Variants in EXD1 observed in about 807,000 individuals in gnomAD.
EXD1 encodes the protein piRNA biogenesis protein EXD1.
EXD1 carries 63 observed loss-of-function variants against 49.1 expected under a neutral mutation model. That is an observed-to-expected ratio of 1.28 (90% CI 1.05 to 1.58). The LOEUF (loss-of-function observed/expected upper bound fraction) is 1.58. EXD1 is among the 40% of genes most tolerant of loss of function. EXD1 has a pLI of 0.00. For synonymous variants in EXD1, 234 were observed against 239.2 expected, an observed-to-expected ratio of 0.98 and a Z score of 0.20; for missense variants, 748 against 666.0, an observed-to-expected ratio of 1.12 and a Z score of -1.36.
intron 7 of EXD1, among the ~76,000 whole-genome samples, chr15:41,200,164 C>A (rs1368504832): frequency 3.3e-5 from 5 of 151,958 alleles, no homozygotes; most frequent in Admixed American, 3.3e-4. Context: ...CCTGCCTCGG[C>A]CTCCCTAAGC....
intron 2 of EXD1, among the ~76,000 whole-genome samples, chr15:41,220,187 T>G (rs77207177): frequency 0.16 from 24,657 of 151,942 alleles, 3,702 homozygotes; most frequent in African/African-American, 0.4. Flanking sequence ...TCTAAGGCCT[T>G]TGGGGTTAAG....
intron 6 of EXD1, among the ~76,000 whole-genome samples, chr15:41,212,982 AG>A (rs1049704544): frequency 1.3e-5 from 2 of 152,064 alleles, no homozygotes; most frequent in Admixed American, 1.3e-4. Flanking sequence ...TCCAGGCTGC[AG>A]TGAACTCTGA....
chr15:41,198,709 T>TTTTTTATTTTTTAATTAAAAAAAAA (rs2046656823), intron 7 of EXD1, among the ~76,000 whole-genome samples: 1 of 130,004 alleles, frequency 7.7e-6, no homozygotes, highest in African/African-American at 3.1e-5. Flanking sequence ...TTAAAAAAAA[T>TTTTTTATTTTTTAATTAAAAAAAAA]TTTTTTTTTT....
At chr15:41,199,985 C>A (rs1342765927) in intron 7 of EXD1, among the ~76,000 whole-genome samples, 1 of 150,650 alleles carries the variant, frequency 6.6e-6, no homozygotes, top group Non-Finnish European at 1.5e-5. Flanking sequence ...CTCACTGCAA[C>A]CTCTGCCTTC....
Position 41,215,836 on chromosome 15 carries a change from A to C in EXD1, c.389-3T>G, listed in dbSNP as rs2046991936. 4 of 1,613,770 alleles carry C rather than the reference A, an allele frequency of 2.5e-6. No homozygotes were observed. Among genetic ancestry groups the C allele is most frequent in the Non-Finnish European group, 3.4e-6 (4 of 1,179,736 alleles). On this transcript the variant is annotated splice_region_variant and splice_polypyrimidine_tract_variant and intron_variant, in intron 5 of 11. Transcript: ENST00000458580. ...TGTGTATGTCACCTCCTCTTCCTCT[A>C]CAAGACAAGGATTGCATTAGATATA...
intron 10 of EXD1, among the ~76,000 whole-genome samples, chr15:41,191,007 CT>C (rs1451560600): frequency 6.6e-6 from 1 of 152,038 alleles, no homozygotes; most frequent in African/African-American, 2.4e-5. Flanking sequence ...TCCACCGCCC[CT>C]GCCCCCAACT....
At chr15:41,203,586 G>A (rs1307444946) in intron 7 of EXD1, among the ~76,000 whole-genome samples, 3 of 152,086 alleles carry the variant, frequency 2.0e-5, no homozygotes, top group East Asian at 3.9e-4. Flanking sequence ...AGGCGATCAC[G>A]GAAACCAGAA....
At chr15:41,199,837 G>GAT (rs1168845172) in intron 7 of EXD1, among the ~76,000 whole-genome samples, 4 of 133,164 alleles carry the variant, frequency 3.0e-5, no homozygotes, top group South Asian at 2.3e-4. Flanking sequence ...GTCAATATAT[G>GAT]ATATATATAA....
At chr15:41,197,371 G>A (rs2046632599) in intron 7 of EXD1, among the ~76,000 whole-genome samples, 1 of 151,690 alleles carries the variant, frequency 6.6e-6, no homozygotes, top group Admixed American at 6.6e-5. Context: ...GGGACTAAAG[G>A]CACCTGCCAC....
chr15:41,189,995 A>T lies in EXD1; in HGVS notation c.998T>A (p.Val333Glu). ...GCGATACGTGTTTAGGTAACCATCC[A>T]CCAGGGTGGTTAGGTCAGACATCAT... ...DEMMSDLTTL[V>E]DGYLNTYREG... The change falls in exon 11 of 12, where the codon GTG becomes GAG. Residue 333 changes from valine to glutamate, a missense_variant. Coordinates refer to ENST00000458580, the MANE Select transcript of EXD1 (RefSeq NM_001286441.2). The T allele has an allele frequency of 6.2e-7, 1 of 1,614,050 alleles. No individual in the cohort carries two copies. The highest frequency in any genetic ancestry group is 8.5e-7 in the Non-Finnish European group (1 of 1,180,010).
At chr15:41,206,474 G>GAAAAAAAA (rs34195951) in intron 7 of EXD1, among the ~76,000 whole-genome samples, 1 of 87,172 alleles carries the variant, frequency 1.1e-5, no homozygotes, top group Non-Finnish European at 2.6e-5. Context: ...ACCCTGTCTC[G>GAAAAAAAA]AAAAAAAAAA....
chr15:41,217,248 G>A (rs771785900), intron 3 of EXD1, 94 bp from the exon 4 acceptor site: 510 of 997,512 alleles, frequency 5.1e-4, no homozygotes, highest in Admixed American at 1.2e-3. Flanking sequence ...ACCATGTACT[G>A]CAAACAATAA....
intron 11 of EXD1, 51 bp from the exon 12 acceptor site, chr15:41,184,644 G>T: frequency 6.8e-7 from 1 of 1,480,152 alleles, no homozygotes. Context: ...TTCTGAATAT[G>T]GTACTTAAAA....
intron 6 of EXD1, among the ~76,000 whole-genome samples, chr15:41,212,309 G>A (rs374423715): frequency 2.0e-5 from 3 of 152,026 alleles, no homozygotes; most frequent in African/African-American, 7.2e-5. Context: ...AAAAAAATAA[G>A]CCGGGCGTGG....
intron 2 of EXD1, among the ~76,000 whole-genome samples, chr15:41,225,168 AGCT>A (rs2047142487): frequency 6.6e-6 from 1 of 152,210 alleles, no homozygotes; most frequent in Non-Finnish European, 1.5e-5. Flanking sequence ...ACTGTTCTTC[AGCT>A]GCCTACCTCT....
chr15:41,198,717 T>C (rs2046657056), intron 7 of EXD1, among the ~76,000 whole-genome samples: 1 of 151,982 alleles, frequency 6.6e-6, no homozygotes, highest in Non-Finnish European at 1.5e-5. Flanking sequence ...AATTTTTTTT[T>C]TTTTTAAGAC....
intron 6 of EXD1, among the ~76,000 whole-genome samples, chr15:41,210,395 CA>C (rs1336005566): frequency 6.6e-6 from 1 of 152,146 alleles, no homozygotes; most frequent in Admixed American, 6.5e-5. Context: ...CTGAATTACT[CA>C]AAACTGAAAT....
intron 6 of EXD1, among the ~76,000 whole-genome samples, chr15:41,212,208 G>A (rs1451264686): frequency 6.6e-6 from 1 of 152,138 alleles, no homozygotes; most frequent in Non-Finnish European, 1.5e-5. Context: ...CCAGCACTTT[G>A]GGAGGCTGAG....
chr15:41,199,629 G>T, intron 7 of EXD1, among the ~76,000 whole-genome samples: 1 of 137,736 alleles, frequency 7.3e-6, no homozygotes. Context: ...TGTGTTAGGT[G>T]TTACATATAT....
Sources: allele counts gnomAD v4.1 joint callset (sites outside exome capture counted in the v4.1 genomes callset), GRCh38; gene constraint gnomAD v4.1.1; transcripts MANE v1.5; gene names NCBI Gene and HGNC (gene_info 2026-07-23, HGNC 2026-07-21).